The following TKTL1 variants were observed in gnomAD, a reference collection of about 807,000 sequenced individuals.
TKTL1 encodes the protein transketolase-like protein 1.
A neutral mutation model predicts 39.3 loss-of-function variants in TKTL1; 1 was observed. The observed-to-expected ratio is 0.03, with a 90% confidence interval of 0.01 to 0.12. TKTL1 has a LOEUF of 0.12. Ranked by LOEUF, TKTL1 falls within the 10% of genes least tolerant of loss-of-function variation. The pLI is 1.00. For missense variants in TKTL1, 575 were observed against 509.6 expected (o/e 1.13, Z -1.24); for synonymous variants, 262 against 193.8 (o/e 1.35, Z -2.92).
At chrX:154,305,236 T>A in intron 1 of TKTL1, 68 bp from the exon 2 acceptor site, 7 of 1,188,118 alleles carry the variant, frequency 5.9e-6, no homozygotes, top group Non-Finnish European at 8.0e-6. Context: ...GAGGAGACCA[T>A]GTGCCGAGGT....
intron 1 of TKTL1, among the ~76,000 whole-genome samples, chrX:154,299,397 C>T (rs782404536): frequency 4.6e-5 from 5 of 109,590 alleles, no homozygotes; most frequent in African/African-American, 1.7e-4. Flanking sequence ...TCAGGTGATC[C>T]GCCCACCTCG....
chrX:154,306,928 C>A, intron 2 of TKTL1, among the ~76,000 whole-genome samples: 1 of 110,228 alleles, frequency 9.1e-6, no homozygotes, highest in South Asian at 3.8e-4. Context: ...CCACCGCTTC[C>A]AGCCCTCTTT....
intron 1 of TKTL1, among the ~76,000 whole-genome samples, chrX:154,303,838 G>GC (rs782379487): frequency 0.012 from 970 of 81,948 alleles, 6 homozygotes; most frequent in Non-Finnish European, 0.019. Flanking sequence ...CCTACCCCCC[G>GC]CCCCCCACCA....
intron 8 of TKTL1, 114 bp from the exon 9 acceptor site, chrX:154,323,093 C>T (rs2067464488): frequency 1.0e-6 from 1 of 980,408 alleles, no homozygotes; most frequent in Non-Finnish European, 1.4e-6. Context: ...TCTGCTACAG[C>T]TCGGGACACC....
At chrX:154,325,908 C>T (rs1557171866) in intron 10 of TKTL1, among the ~76,000 whole-genome samples, 1 of 111,712 alleles carries the variant, frequency 9.0e-6, no homozygotes. Context: ...TAGAGGAGCG[C>T]AGGAATTCAA....
At chrX:154,310,327 G>A (rs1326518095) in intron 3 of TKTL1, among the ~76,000 whole-genome samples, 3 of 111,242 alleles carry the variant, frequency 2.7e-5, no homozygotes, top group East Asian at 2.9e-4. Flanking sequence ...GCATGGTGGC[G>A]TGGGCCTGTA....
At chrX:154,314,874 CTT>C (rs1367924250) in intron 6 of TKTL1, among the ~76,000 whole-genome samples, 1 of 109,978 alleles carries the variant, frequency 9.1e-6, no homozygotes, top group African/African-American at 3.3e-5. Context: ...AAATCTCACT[CTT>C]GAGCTGTGGA....
At chrX:154,323,562 C>T (rs782753742) in intron 9 of TKTL1, among the ~76,000 whole-genome samples, 82 of 112,328 alleles carry the variant, frequency 7.3e-4, no homozygotes, top group African/African-American at 2.4e-3. Flanking sequence ...GACAGCCTGT[C>T]TCAGTCAGGG....
Position 154,325,335 on chromosome X carries a change from C to T in TKTL1, c.1318-4C>T. On this transcript the variant is annotated splice_polypyrimidine_tract_variant and splice_region_variant and intron_variant, in intron 9 of 12. Coordinates refer to ENST00000369915, the MANE Select transcript of TKTL1 (RefSeq NM_012253.4). ...TCTAAACCATGGCTCCATTTATGCCCTAGGGGATGTGCTTCATTCGGACCA... is the reference window on the plus strand; with the variant it reads ...TCTAAACCATGGCTCCATTTATGCCTTAGGGGATGTGCTTCATTCGGACCA... 8.3e-7 allele frequency: 1 copy of T among 1,207,857 alleles called. No individual in the cohort carries two copies. Among genetic ancestry groups the T allele is most frequent in the Admixed American group, 2.2e-5 (1 of 46,066 alleles).
chrX:154,323,057 G>C (rs1269864726), intron 8 of TKTL1, 150 bp from the exon 9 acceptor site: 6 of 643,268 alleles, frequency 9.3e-6, no homozygotes, highest in Non-Finnish European at 1.4e-5. Flanking sequence ...TGAGTTGTGA[G>C]GATGCAGCGG....
chrX:154,317,650 C>T (rs1487753986), intron 7 of TKTL1, among the ~76,000 whole-genome samples: 4 of 112,547 alleles, frequency 3.6e-5, no homozygotes, highest in African/African-American at 9.7e-5. Context: ...AATGGCTTCA[C>T]GTAGGAAAGG....
At chrX:154,302,634 A>G (rs1386514793) in intron 1 of TKTL1, among the ~76,000 whole-genome samples, 1 of 111,707 alleles carries the variant, frequency 9.0e-6, no homozygotes, top group African/African-American at 3.3e-5. Flanking sequence ...CAGCATAGGA[A>G]TTCTGGGGGG....
chrX:154,326,454 C>T (rs1192754247), intron 10 of TKTL1, among the ~76,000 whole-genome samples: 1 of 112,388 alleles, frequency 8.9e-6, no homozygotes, highest in East Asian at 2.8e-4. Flanking sequence ...AAGGTTTGCC[C>T]ATAGCCACTC....
Position 154,320,910 on chromosome X carries a change from G to C in TKTL1, c.1183G>C (p.Val395Leu), listed in dbSNP as rs782454609. Reference protein sequence around the residue: ...NIIGSHCGVSVGDDGASQMAL... With the variant: ...NIIGSHCGVSLGDDGASQMAL... Reference sequence around the variant, plus strand: ...TATTGGTTCCCACTGTGGGGTATCTGTTGGTAAGGGTTCTAAATGCCATCA... The same window carrying C: ...TATTGGTTCCCACTGTGGGGTATCTCTTGGTAAGGGTTCTAAATGCCATCA... Residue 395 changes from valine to leucine, a missense_variant, in exon 8 of 13, where the codon GTT (valine) becomes CTT (leucine). Physicochemically the swap from Val to Leu is conservative, Grantham distance 32. Transcript: ENST00000369915. The C allele has an allele frequency of 9.9e-6, 12 of 1,210,750 alleles. No homozygotes were observed. In the Admixed American group the frequency reaches 2.0e-4, roughly 20 times the overall value.
chrX:154,319,014 A>AT (rs2067427905), intron 7 of TKTL1, among the ~76,000 whole-genome samples: 1 of 111,478 alleles, frequency 9.0e-6, no homozygotes, highest in Non-Finnish European at 1.9e-5. Flanking sequence ...CTGAGATAGA[A>AT]TTTTGATTAT....
At chrX:154,298,431 G>T (rs1557165136) in intron 1 of TKTL1, among the ~76,000 whole-genome samples, 3 of 112,111 alleles carry the variant, frequency 2.7e-5, no homozygotes, top group African/African-American at 9.7e-5. Context: ...ACCAGCTTTG[G>T]CTAGGGGAGG....
Position 154,304,855 on chromosome X carries a change from C to T in TKTL1, c.135-449C>T, listed in dbSNP as rs892475669. The T allele has an allele frequency of 2.2e-5, 9 of 403,688 alleles. No individual in the cohort carries two copies. In the African/African-American group the frequency reaches 2.4e-4, roughly 11 times the overall value. The allele number at this position is 403,688 out of a possible 1,213,427, so 33.3% of individuals were successfully genotyped here. A position where few individuals can be genotyped will look rare whatever the true frequency, so the allele number is the denominator to read the frequency against. On this transcript the variant is annotated intron_variant, in intron 1 of 12. Transcript: ENST00000369915. ...GAGCAGCAGTTACTTTGGCAGCATT[C>T]AGAAAGGGCCTCAGTTACTCTACCA...
At chrX:154,304,436 C>T (rs1487751571) in intron 1 of TKTL1, among the ~76,000 whole-genome samples, 1 of 108,599 alleles carries the variant, frequency 9.2e-6, no homozygotes, top group Non-Finnish European at 1.9e-5. Flanking sequence ...TCCTTTGAAG[C>T]TTTTTTTTTA....
intron 7 of TKTL1, among the ~76,000 whole-genome samples, chrX:154,319,661 C>A (rs1294572571): frequency 2.7e-5 from 3 of 109,791 alleles, no homozygotes; most frequent in African/African-American, 1.0e-4. Flanking sequence ...ATCGCTTGAA[C>A]CCAGGAGGTG....
Sources: gnomAD v4.1 joint callset for allele counts (sites outside exome capture counted in the v4.1 genomes callset) on GRCh38, gnomAD v4.1.1 for gene constraint, MANE v1.5 for transcripts, NCBI Gene and HGNC (gene_info 2026-07-23, HGNC 2026-07-21) for gene names.